SLC36A3: variants seen among roughly 807,000 people sequenced by gnomAD.
SLC36A3 encodes the protein solute carrier family 36 member 3.
In SLC36A3, 35 loss-of-function variants were observed where a neutral mutation model predicts 44.3. The ratio of observed to expected loss-of-function variants is 0.79; its 90% CI spans 0.60 to 1.05. SLC36A3 has a LOEUF of 1.05. Ranked by LOEUF, SLC36A3 falls within the 50% of genes least tolerant of loss-of-function variation. The pLI is 0.00. For missense variants in SLC36A3, 540 were observed against 578.7 expected (o/e 0.93, Z 0.69); for synonymous variants, 211 against 227.6 (o/e 0.93, Z 0.66).
chr5:151,296,379 G>T, intron 2 of SLC36A3, 111 bp from the exon 3 acceptor site: 1 of 865,366 alleles, frequency 1.2e-6, no homozygotes, highest in Non-Finnish European at 1.9e-6. Context: ...CTGTCTTTGG[G>T]GTGACAGACC....
Position 151,296,166 on chromosome 5 carries a change from A to T in SLC36A3, c.308+14T>A. The T allele has an allele frequency of 6.2e-7, 1 of 1,613,848 alleles. No homozygotes were observed. Among genetic ancestry groups the T allele is most frequent in the Non-Finnish European group, 8.5e-7 (1 of 1,179,756 alleles). On this transcript the variant is annotated intron_variant, in intron 3 of 9. Coordinates refer to ENST00000335230, the MANE Select transcript of SLC36A3 (RefSeq NM_181774.4). The stretch of plus-strand genomic sequence containing the variant: ...GGCCCCAGTGCTGGAATGAGAGAGA[A>T]GCAGGCCTCTGACCTCTGGCTGAGG...
intron 4 of SLC36A3, among the ~76,000 whole-genome samples, chr5:151,293,068 G>T (rs1040543835): frequency 6.6e-6 from 1 of 152,056 alleles, no homozygotes; most frequent in Non-Finnish European, 1.5e-5. Context: ...CAAATTTTCA[G>T]AAATTATCCT....
intron 4 of SLC36A3, among the ~76,000 whole-genome samples, chr5:151,289,487 A>G (rs1184887389): frequency 2.2e-5 from 3 of 139,294 alleles, no homozygotes; most frequent in African/African-American, 8.2e-5. Context: ...CAGAGTGAGA[A>G]TCTGCCTCAA....
At chr5:151,298,493 C>G in intron 2 of SLC36A3, 100 bp downstream of exon 2, 1 of 1,138,092 alleles carries the variant, frequency 8.8e-7, no homozygotes, top group Non-Finnish European at 1.3e-6. Context: ...CAGAGGGTAC[C>G]CCCAAATTGC....
intron 6 of SLC36A3, among the ~76,000 whole-genome samples, chr5:151,285,634 C>T (rs535765183): frequency 4.6e-5 from 7 of 152,104 alleles, no homozygotes; most frequent in Non-Finnish European, 8.8e-5. Context: ...TGTTACATGG[C>T]GAGGGAGAAT....
chr5:151,287,762 T>C (rs138070132), intron 5 of SLC36A3, among the ~76,000 whole-genome samples: 119 of 152,354 alleles, frequency 7.8e-4, no homozygotes, highest in African/African-American at 2.8e-3. Context: ...TCAAACCTTT[T>C]CTTCTCCACA....
intron 4 of SLC36A3, 27 bp downstream of exon 4, chr5:151,293,337 T>C: frequency 1.3e-6 from 2 of 1,570,454 alleles, no homozygotes; most frequent in South Asian, 2.3e-5. Flanking sequence ...TTTTTGTTGT[T>C]ACTACTACAA....
intron 9 of SLC36A3, among the ~76,000 whole-genome samples, chr5:151,279,009 T>C (rs1222459425): frequency 6.6e-6 from 1 of 152,240 alleles, no homozygotes; most frequent in Non-Finnish European, 1.5e-5. Flanking sequence ...CCCTTAGGAC[T>C]TGGCCCTGAC....
Position 151,299,254 on chromosome 5 carries a change from CTCTCTCTCTCTATATATATATA to C in SLC36A3, c.129-593_129-572del, listed in dbSNP as rs1331698233. 3.8e-3 allele frequency among the ~76,000 whole-genome samples: 332 copies of C among 87,144 alleles called. 2 individuals are homozygous for C. Among genetic ancestry groups the C allele is most frequent in the African/African-American group, 0.014 (314 of 21,850 alleles). The allele number at this position is 87,144 out of a possible 152,430, so 57.2% of individuals were successfully genotyped here. Reference sequence around the variant, plus strand: ...TCTCTCTCTCTCTCTCTCTCTCTCTCTCTCTCTCTCTATATATATATATATATATATATATATGAAATGAGCT... The same window carrying C: ...TCTCTCTCTCTCTCTCTCTCTCTCTCTATATATATATATATGAAATGAGCT... On this transcript the variant is annotated intron_variant, in intron 1 of 9. Coordinates refer to ENST00000335230, the MANE Select transcript of SLC36A3 (RefSeq NM_181774.4).
rs967797211 is a variant in SLC36A3, at chr5:151,276,496, C to T, written c.*897G>A. ...CTACATCACAATTTATTTATCCATT[C>T]TCTTGTTTATAGACATTTAGAGTAT... On this transcript the variant is annotated 3_prime_UTR_variant, in exon 10 of 10. Transcript: ENST00000335230. 7.9e-5 allele frequency among the ~76,000 whole-genome samples: 12 copies of T among 152,154 alleles called. No homozygotes were observed. The highest frequency in any genetic ancestry group is 2.9e-4 in the African/African-American group (12 of 41,426).
intron 6 of SLC36A3, among the ~76,000 whole-genome samples, chr5:151,285,754 G>A (rs1427117349): frequency 6.6e-6 from 1 of 152,208 alleles, no homozygotes; most frequent in Admixed American, 6.5e-5. Context: ...GAGGGAGTCA[G>A]AAGGGGAAGA....
rs745970099 is a variant in SLC36A3, at chr5:151,284,161, A to G, written c.857T>C (p.Val286Ala). The G allele has an allele frequency of 6.2e-7, 1 of 1,613,874 alleles. No individual in the cohort carries two copies. The highest frequency in any genetic ancestry group is 8.5e-7 in the Non-Finnish European group (1 of 1,179,930). ...GACAATGGACATCCCCAAGTACAGA[A>G]CAAAAGAAAACTGCTGTGGATGCTT... ...QMKHPQQFSF[V>A]LYLGMSIVII... Residue 286 changes from valine to alanine, a missense_variant, in exon 8 of 10, where the codon GTT (valine) becomes GCT (alanine). Transcript: ENST00000335230.
Position 151,284,121 on chromosome 5 carries a change from G to A in SLC36A3, c.897C>T (p.Ile299=), listed in dbSNP as rs752995181. The A allele has an allele frequency of 6.2e-7, 1 of 1,614,088 alleles. No individual in the cohort carries two copies. Among genetic ancestry groups the A allele is most frequent in the East Asian group, 2.2e-5 (1 of 44,884 alleles). The change falls in exon 8 of 10, where the codon ATC becomes ATT. Residue 299 remains isoleucine, a synonymous_variant. Transcript: ENST00000335230. ...TCATGTAGCCCAGTGTCCCCAGTAA[G>A]ATATAGAGGATGATGACAATGGACA... ...LGMSIVIILY[I]LLGTLGYMKF...
At chr5:151,300,505 A>G (rs571222534) in intron 1 of SLC36A3, among the ~76,000 whole-genome samples, 1 of 152,236 alleles carries the variant, frequency 6.6e-6, no homozygotes, top group African/African-American at 2.4e-5. Flanking sequence ...TTAAGTAGTA[A>G]TTTCTCCAAA....
At chr5:151,283,987 A>G (rs928599076) in intron 8 of SLC36A3, 57 bp downstream of exon 8, 1 of 1,531,284 alleles carries the variant, frequency 6.5e-7, no homozygotes, top group African/African-American at 1.4e-5. Context: ...CTCTGCTATG[A>G]CAACCAGAAC....
chr5:151,299,264 C>CTCTCTATATATATATATATA (rs1372309288), intron 1 of SLC36A3, among the ~76,000 whole-genome samples: 5 of 59,646 alleles, frequency 8.4e-5, no homozygotes, highest in Non-Finnish European at 1.2e-4. Context: ...CTCTCTCTCT[C>CTCTCTATATATATATATATA]TATATATATA....
chr5:151,288,497 G>C (rs1754631175), intron 4 of SLC36A3, 27 bp from the exon 5 acceptor site: 3 of 1,442,938 alleles, frequency 2.1e-6, no homozygotes, highest in Non-Finnish European at 2.8e-6. Flanking sequence ...GAGGCAGACA[G>C]AGGGAGGAAA....
intron 6 of SLC36A3, among the ~76,000 whole-genome samples, chr5:151,284,964 T>A (rs1754478535): frequency 1.3e-5 from 2 of 152,244 alleles, no homozygotes; most frequent in Admixed American, 1.3e-4. Context: ...TTCACGTTGT[T>A]GTGTATCCAT....
At chr5:151,292,347 A>T (rs1266869581) in intron 4 of SLC36A3, among the ~76,000 whole-genome samples, 1 of 152,192 alleles carries the variant, frequency 6.6e-6, no homozygotes, top group South Asian at 2.1e-4. Flanking sequence ...GCTGCAAAGG[A>T]ATCTTAGCAG....
Sources: allele counts gnomAD v4.1 joint callset (sites outside exome capture counted in the v4.1 genomes callset), GRCh38; gene constraint gnomAD v4.1.1; transcripts MANE v1.5; gene names NCBI Gene and HGNC (gene_info 2026-07-23, HGNC 2026-07-21).